The following PHF24 variants were observed in gnomAD, a reference collection of about 807,000 sequenced individuals.
The protein encoded by PHF24 is PHD finger protein 24.
Under a neutral mutation model 42.6 loss-of-function variants are expected in PHF24, and 25 were observed. The ratio of observed to expected loss-of-function variants is 0.59; its 90% confidence interval spans 0.43 to 0.82. The LOEUF (loss-of-function observed/expected upper bound fraction) is 0.82. Among genes scored for constraint, PHF24 ranks in the 40% least tolerant of loss-of-function variants. PHF24 has a pLI of 0.00. For missense variants in PHF24, 470 were observed against 538.1 expected, an observed-to-expected ratio of 0.87 and a Z score of 1.25; for synonymous variants, 185 against 204.8, an observed-to-expected ratio of 0.90 and a Z score of 0.83.
chr9:34,898,198 G>A, the PHF24 span, among the ~76,000 whole-genome samples: 1 of 152,212 alleles, frequency 6.6e-6, no homozygotes, highest in Admixed American at 6.5e-5. Context: ...CCAGTAGTGG[G>A]ATTGCTGGAT....
the PHF24 span, among the ~76,000 whole-genome samples, chr9:34,756,163 G>T: frequency 6.6e-6 from 1 of 152,134 alleles, no homozygotes; most frequent in Non-Finnish European, 1.5e-5. Flanking sequence ...GCAGTGGCAT[G>T]ATCTCAGCTC....
the PHF24 span, chr9:34,729,194 T>G: frequency 7.0e-7 from 1 of 1,421,792 alleles, no homozygotes; most frequent in Non-Finnish European, 9.3e-7. Context: ...GCTATAAAAA[T>G]TCTGGGGTGG....
At chr9:34,815,454 C>A in the PHF24 span, among the ~76,000 whole-genome samples, 3 of 152,188 alleles carry the variant, frequency 2.0e-5, no homozygotes, top group Non-Finnish European at 2.9e-5. Flanking sequence ...TCCCGAGTAG[C>A]TGGGACTACA....
chr9:34,729,375 T>G, the PHF24 span: 1 of 1,551,700 alleles, frequency 6.4e-7, no homozygotes, highest in Non-Finnish European at 8.7e-7. Flanking sequence ...GATGGAGCCA[T>G]AGATGTATAA....
the PHF24 span, among the ~76,000 whole-genome samples, chr9:34,807,215 A>G: frequency 5.9e-5 from 9 of 152,176 alleles, no homozygotes; most frequent in African/African-American, 9.7e-5. Context: ...AGGAAATTTC[A>G]TTCTATTCCT....
chr9:34,924,567 AT>A, the PHF24 span, among the ~76,000 whole-genome samples: 1 of 152,040 alleles, frequency 6.6e-6, no homozygotes, highest in Non-Finnish European at 1.5e-5. Context: ...CTTGAAATGT[AT>A]TTTAGCTGAT....
the PHF24 span, among the ~76,000 whole-genome samples, chr9:34,837,930 G>C: frequency 3.9e-5 from 6 of 152,222 alleles, 1 homozygote; most frequent in Middle Eastern, 0.014. Context: ...CTGATTCCCA[G>C]ATAAGTCCTG....
chr9:34,922,727 A>C, the PHF24 span: 1 of 1,576,854 alleles, frequency 6.3e-7, no homozygotes, highest in South Asian at 1.1e-5. Context: ...TCTTTTGTTC[A>C]ATACTTGAGA....
chr9:34,826,143 C>T, the PHF24 span, among the ~76,000 whole-genome samples: 1 of 152,160 alleles, frequency 6.6e-6, no homozygotes, highest in Non-Finnish European at 1.5e-5. Flanking sequence ...AGGCCCCCCT[C>T]TCCCTCCCCA....
At chr9:34,773,221 C>G in the PHF24 span, among the ~76,000 whole-genome samples, 1 of 152,158 alleles carries the variant, frequency 6.6e-6, no homozygotes, top group African/African-American at 2.4e-5. Context: ...AACTCCCAAC[C>G]TCAGGTGATC....
the PHF24 span, among the ~76,000 whole-genome samples, chr9:34,730,598 A>C: frequency 6.6e-6 from 1 of 152,240 alleles, no homozygotes; most frequent in Non-Finnish European, 1.5e-5. Flanking sequence ...TTAAAAATGT[A>C]GTTTCAAAGA....
chr9:34,942,548 T>G, the PHF24 span, among the ~76,000 whole-genome samples: 72,324 of 151,994 alleles, frequency 0.48, 17,406 homozygotes, highest in Middle Eastern at 0.53. Flanking sequence ...CAAATTATAT[T>G]ATGACAGAGG....
At chr9:34,710,586 A>G in the PHF24 span, among the ~76,000 whole-genome samples, 1 of 146,326 alleles carries the variant, frequency 6.8e-6, no homozygotes, top group Non-Finnish European at 1.5e-5. Flanking sequence ...TCCTACCTCA[A>G]CCTCCCCAGG....
At chr9:34,684,215 C>T in the PHF24 span, among the ~76,000 whole-genome samples, 1 of 152,162 alleles carries the variant, frequency 6.6e-6, no homozygotes, top group Admixed American at 6.5e-5. Flanking sequence ...TGTTCACTAT[C>T]GTATCACCAG....
the PHF24 span, among the ~76,000 whole-genome samples, chr9:34,821,052 A>G: frequency 6.6e-6 from 1 of 152,072 alleles, no homozygotes; most frequent in African/African-American, 2.4e-5. Flanking sequence ...GTGTCTGTTC[A>G]TGTCCTTTGC....
the PHF24 span, among the ~76,000 whole-genome samples, chr9:34,756,898 T>A: frequency 6.6e-6 from 1 of 151,876 alleles, no homozygotes; most frequent in African/African-American, 2.4e-5. Context: ...TTCATCAGTG[T>A]TTTTCTTTTC....
chr9:34,887,551 GC>G, the PHF24 span, among the ~76,000 whole-genome samples: 1 of 152,248 alleles, frequency 6.6e-6, no homozygotes, highest in Non-Finnish European at 1.5e-5. Flanking sequence ...CCAGGCATCT[GC>G]ATTAGCTGTA....
At chr9:34,830,946 T>G in the PHF24 span, among the ~76,000 whole-genome samples, 1 of 152,230 alleles carries the variant, frequency 6.6e-6, no homozygotes, top group Non-Finnish European at 1.5e-5. Flanking sequence ...TTTCCCTGAA[T>G]AGCAAAATAT....
the PHF24 span, among the ~76,000 whole-genome samples, chr9:34,864,418 C>T: frequency 6.6e-6 from 1 of 152,082 alleles, no homozygotes; most frequent in Admixed American, 6.6e-5. Flanking sequence ...ACACAAATAA[C>T]ATACAATGGA....
Sources: allele counts gnomAD v4.1 joint callset (sites outside exome capture counted in the v4.1 genomes callset), GRCh38; gene constraint gnomAD v4.1.1; transcripts MANE v1.5; gene names NCBI Gene and HGNC (gene_info 2026-07-23, HGNC 2026-07-21).